Variants in REDIC1 observed in about 807,000 individuals in gnomAD.
The protein encoded by REDIC1 is HEI10 Interacting Protein 1.
the REDIC1 span, among the ~76,000 whole-genome samples, chr12:39,896,279 CATGTATGTATATGTGTGTATAT>C: frequency 8.6e-4 from 69 of 79,964 alleles, 1 homozygote; most frequent in African/African-American, 2.9e-3. Flanking sequence ...TATATGTATA[CATGTATGTATATGTGTGTATAT>C]ATGTATACAT....
chr12:39,764,989 T>G, the REDIC1 span: 3 of 1,066,364 alleles, frequency 2.8e-6, no homozygotes, highest in Non-Finnish European at 3.9e-6. Flanking sequence ...TCTTAAAAAA[T>G]AAGAACTAAA....
the REDIC1 span, among the ~76,000 whole-genome samples, chr12:39,680,212 AATCTTCCCAAACTATGC>A: frequency 4.6e-5 from 7 of 152,218 alleles, no homozygotes; most frequent in Admixed American, 3.9e-4. Flanking sequence ...AGTGGGAGAA[AATCTTCCCAAACTATGC>A]ATCTGACAAA....
At chr12:39,729,842 C>T in the REDIC1 span, among the ~76,000 whole-genome samples, 3 of 152,052 alleles carry the variant, frequency 2.0e-5, no homozygotes, top group Non-Finnish European at 4.4e-5. Flanking sequence ...TCTGGGTGCT[C>T]TTGTATTGGG....
At chr12:39,814,806 CA>C in the REDIC1 span, among the ~76,000 whole-genome samples, 1 of 152,056 alleles carries the variant, frequency 6.6e-6, no homozygotes, top group Admixed American at 6.5e-5. Flanking sequence ...TGCATTATCA[CA>C]ATTATGCATA....
the REDIC1 span, among the ~76,000 whole-genome samples, chr12:39,879,620 C>G: frequency 6.6e-6 from 1 of 152,168 alleles, no homozygotes; most frequent in East Asian, 1.9e-4. Flanking sequence ...TGATTTCTCC[C>G]TTTTGGAATG....
At chr12:39,907,676 G>T in the REDIC1 span, 1 of 152,146 alleles carries the variant, frequency 6.6e-6, no homozygotes, top group Non-Finnish European at 1.5e-5. Flanking sequence ...AGAATGAGGT[G>T]CATCTCACCA....
the REDIC1 span, among the ~76,000 whole-genome samples, chr12:39,685,461 A>G: frequency 6.6e-5 from 10 of 152,248 alleles, no homozygotes; most frequent in South Asian, 2.1e-3. Context: ...ATCACAGGAG[A>G]ACAAACTCAC....
the REDIC1 span, among the ~76,000 whole-genome samples, chr12:39,783,365 T>C: frequency 7.8e-4 from 119 of 152,346 alleles, 2 homozygotes; most frequent in Admixed American, 3.0e-3. Context: ...GCATGATTTA[T>C]AATTCTTTGG....
the REDIC1 span, among the ~76,000 whole-genome samples, chr12:39,766,996 T>G: frequency 3.0e-4 from 45 of 152,244 alleles, no homozygotes; most frequent in African/African-American, 9.1e-4. Flanking sequence ...CATTTGGTAT[T>G]TTGACCTCCT....
At chr12:39,808,203 T>C in the REDIC1 span, among the ~76,000 whole-genome samples, 10 of 152,130 alleles carry the variant, frequency 6.6e-5, no homozygotes, top group African/African-American at 2.4e-4. Context: ...ACTTGTACAG[T>C]ATATATTGTT....
the REDIC1 span, among the ~76,000 whole-genome samples, chr12:39,869,564 A>G: frequency 6.6e-6 from 1 of 152,222 alleles, no homozygotes; most frequent in African/African-American, 2.4e-5. Context: ...GGTGGGTTTC[A>G]GCTGCAAAGA....
the REDIC1 span, among the ~76,000 whole-genome samples, chr12:39,770,650 T>G: frequency 0.72 from 110,186 of 152,116 alleles, 41,707 homozygotes; most frequent in Non-Finnish European, 0.84. Context: ...ATCTGCACAC[T>G]CAATGCTTAG....
chr12:39,666,242 C>G, the REDIC1 span, among the ~76,000 whole-genome samples: 1 of 152,146 alleles, frequency 6.6e-6, no homozygotes, highest in Non-Finnish European at 1.5e-5. Context: ...TATGTCCCAT[C>G]AATACCTAAT....
At chr12:39,664,778 T>C in the REDIC1 span, among the ~76,000 whole-genome samples, 1 of 152,360 alleles carries the variant, frequency 6.6e-6, no homozygotes, top group Admixed American at 6.5e-5. Flanking sequence ...CTAACTGGTG[T>C]GAGATGGTAT....
At chr12:39,782,411 G>A in the REDIC1 span, among the ~76,000 whole-genome samples, 1 of 152,128 alleles carries the variant, frequency 6.6e-6, no homozygotes, top group Non-Finnish European at 1.5e-5. Context: ...GGGTTTGTCA[G>A]GGGTTTCTCC....
chr12:39,732,928 C>T, the REDIC1 span, among the ~76,000 whole-genome samples: 4 of 152,028 alleles, frequency 2.6e-5, no homozygotes, highest in African/African-American at 9.7e-5. Context: ...TATTTTCTGC[C>T]CCAGAACAAA....
At chr12:39,688,506 G>A in the REDIC1 span, among the ~76,000 whole-genome samples, 1 of 152,146 alleles carries the variant, frequency 6.6e-6, no homozygotes, top group Non-Finnish European at 1.5e-5. Context: ...ATGATAAAGG[G>A]TGCAGGAGTG....
chr12:39,733,761 C>T, the REDIC1 span, among the ~76,000 whole-genome samples: 28 of 152,338 alleles, frequency 1.8e-4, no homozygotes, highest in South Asian at 5.2e-3. Context: ...CACCACCAAG[C>T]TGGAGCATCC....
chr12:39,830,346 G>A, the REDIC1 span: 1 of 1,463,498 alleles, frequency 6.8e-7, no homozygotes, highest in East Asian at 2.4e-5. Flanking sequence ...TTGGGGCCTT[G>A]GGACTTGTTT....
Sources: gnomAD v4.1 joint callset for allele counts (sites outside exome capture counted in the v4.1 genomes callset) on GRCh38, gnomAD v4.1.1 for gene constraint, MANE v1.5 for transcripts, NCBI Gene and HGNC (gene_info 2026-07-23, HGNC 2026-07-21) for gene names.